AGBL4: variants seen among roughly 807,000 people sequenced by gnomAD.
AGBL4 encodes AGBL carboxypeptidase 4.
A neutral mutation model predicts 66.4 loss-of-function variants in AGBL4; 58 were observed. The observed-to-expected ratio is 0.87, with a 90% CI of 0.71 to 1.09. AGBL4 has a LOEUF of 1.09. Among genes scored for constraint, AGBL4 ranks in the 50% least tolerant of loss-of-function variants. AGBL4 has a pLI of 0.00. For missense variants in AGBL4, 579 were observed against 631.0 expected (o/e 0.92, Z 0.88); for synonymous variants, 234 against 222.9 (o/e 1.05, Z -0.44).
At chr1:49,675,405 C>A (rs1288796663) in intron 3 of AGBL4, among the ~76,000 whole-genome samples, 1 of 151,810 alleles carries the variant, frequency 6.6e-6, no homozygotes, top group Non-Finnish European at 1.5e-5. Flanking sequence ...ATAATAGACA[C>A]TGGGGACTCC....
chr1:49,537,539 A>G (rs1277964765), intron 3 of AGBL4, among the ~76,000 whole-genome samples: 1 of 152,238 alleles, frequency 6.6e-6, no homozygotes, highest in Non-Finnish European at 1.5e-5. Context: ...GCCAATAAGC[A>G]TAAGAAAAAA....
intron 2 of AGBL4, among the ~76,000 whole-genome samples, chr1:49,832,455 A>T (rs1446084017): frequency 2.0e-5 from 3 of 150,434 alleles, no homozygotes; most frequent in African/African-American, 7.3e-5. Context: ...CACAATAAAC[A>T]TACGTGTGCA....
chr1:49,106,839 C>G (rs1645301965), intron 4 of AGBL4, among the ~76,000 whole-genome samples: 2 of 152,076 alleles, frequency 1.3e-5, no homozygotes, highest in African/African-American at 2.4e-5. Context: ...TTGTTGTTCT[C>G]TTTTATTTAT....
intron 3 of AGBL4, among the ~76,000 whole-genome samples, chr1:49,293,775 A>G (rs1203124415): frequency 6.6e-6 from 1 of 152,238 alleles, no homozygotes; most frequent in African/African-American, 2.4e-5. Flanking sequence ...AGCTTAAGGG[A>G]GAAAAATATT....
intron 6 of AGBL4, among the ~76,000 whole-genome samples, chr1:48,701,398 T>C (rs1455923906): frequency 6.6e-6 from 1 of 152,158 alleles, no homozygotes; most frequent in African/African-American, 2.4e-5. Context: ...ATCTATAAAC[T>C]GGGAAGAATA....
chr1:49,920,184 G>T (rs550200905), intron 1 of AGBL4, among the ~76,000 whole-genome samples: 7 of 152,252 alleles, frequency 4.6e-5, no homozygotes, highest in South Asian at 2.1e-4. Context: ...CATGGGCAAG[G>T]ACTTCATGTC....
At chr1:48,846,634 C>G (rs1207704234) in intron 6 of AGBL4, among the ~76,000 whole-genome samples, 3 of 152,090 alleles carry the variant, frequency 2.0e-5, no homozygotes, top group African/African-American at 7.2e-5. Flanking sequence ...TACTTCATAT[C>G]CAAAGTGAAA....
chr1:49,000,341 A>G (rs1661310045), intron 5 of AGBL4, among the ~76,000 whole-genome samples: 1 of 152,258 alleles, frequency 6.6e-6, no homozygotes, highest in Non-Finnish European at 1.5e-5. Context: ...TATGTATATG[A>G]CTGCACATGT....
intron 4 of AGBL4, among the ~76,000 whole-genome samples, chr1:49,108,231 T>C (rs1645336566): frequency 6.6e-6 from 1 of 152,212 alleles, no homozygotes; most frequent in Admixed American, 6.5e-5. Context: ...TTTGTTCATG[T>C]ATCCACTCAT....
chr1:48,835,628 G>A (rs1429333467), intron 6 of AGBL4, among the ~76,000 whole-genome samples: 1 of 152,068 alleles, frequency 6.6e-6, no homozygotes, highest in African/African-American at 2.4e-5. Flanking sequence ...GCATTCAGGG[G>A]TAGTTCAGGG....
intron 3 of AGBL4, among the ~76,000 whole-genome samples, chr1:49,617,615 G>C (rs184505306): frequency 4.6e-4 from 70 of 152,132 alleles, no homozygotes; most frequent in African/African-American, 1.7e-3. Flanking sequence ...CCTGTACCTT[G>C]ACTTTAAAGT....
chr1:49,084,738 C>A (rs1644873569), intron 4 of AGBL4, among the ~76,000 whole-genome samples: 1 of 152,144 alleles, frequency 6.6e-6, no homozygotes, highest in Non-Finnish European at 1.5e-5. Flanking sequence ...CTCTTCCCTC[C>A]TGCAGCATTC....
At chr1:48,734,261 T>C (rs1570407634) in intron 6 of AGBL4, among the ~76,000 whole-genome samples, 1 of 152,178 alleles carries the variant, frequency 6.6e-6, no homozygotes, top group South Asian at 2.1e-4. Flanking sequence ...TCGGCGGGTG[T>C]GTGTTTGAAT....
intron 2 of AGBL4, among the ~76,000 whole-genome samples, chr1:49,748,571 T>A (rs1441380881): frequency 1.3e-5 from 2 of 152,192 alleles, no homozygotes; most frequent in African/African-American, 4.8e-5. Flanking sequence ...TTCCAGATCC[T>A]TGAGGAATCG....
intron 3 of AGBL4, among the ~76,000 whole-genome samples, chr1:49,355,594 C>T (rs1428729997): frequency 6.6e-6 from 1 of 152,182 alleles, no homozygotes; most frequent in East Asian, 1.9e-4. Context: ...CAAACACAGA[C>T]TAAAATCCAA....
chr1:49,972,191 G>A (rs1658187751), intron 1 of AGBL4, among the ~76,000 whole-genome samples: 2 of 151,744 alleles, frequency 1.3e-5, no homozygotes, highest in Non-Finnish European at 2.9e-5. Flanking sequence ...TTACAGGCAT[G>A]AGCCACCACG....
At chr1:48,691,981 T>C (rs1343273531) in intron 6 of AGBL4, among the ~76,000 whole-genome samples, 2 of 152,242 alleles carry the variant, frequency 1.3e-5, no homozygotes, top group Non-Finnish European at 2.9e-5. Context: ...TGGGTCTTTC[T>C]TCCTTTGGGA....
At chr1:49,704,877 T>G (rs1647176163) in intron 2 of AGBL4, among the ~76,000 whole-genome samples, 1 of 152,314 alleles carries the variant, frequency 6.6e-6, no homozygotes, top group East Asian at 1.9e-4. Flanking sequence ...CCTCCAGCTT[T>G]GTTCTTTTGC....
chr1:49,841,417 G>T (rs576817019), intron 2 of AGBL4, among the ~76,000 whole-genome samples: 2 of 152,212 alleles, frequency 1.3e-5, no homozygotes, highest in South Asian at 4.1e-4. Context: ...TGGCCATACT[G>T]TCCAAAACAA....
Sources: allele counts gnomAD v4.1 joint callset (sites outside exome capture counted in the v4.1 genomes callset), GRCh38; gene constraint gnomAD v4.1.1; transcripts MANE v1.5; gene names NCBI Gene and HGNC (gene_info 2026-07-23, HGNC 2026-07-21).